ARSG: variants seen among roughly 807,000 people sequenced by gnomAD.
ARSG encodes the protein ASG.
ARSG carries 37 observed loss-of-function variants against 50.5 expected under a neutral mutation model. The ratio of observed to expected loss-of-function variants is 0.73; its 90% CI spans 0.56 to 0.96. The LOEUF (loss-of-function observed/expected upper bound fraction) is 0.96, where lower values mean the gene tolerates loss of function less well. Among genes scored for constraint, ARSG ranks in the 50% least tolerant of loss-of-function variants. ARSG has a pLI of 0.00. For synonymous variants in ARSG, 225 were observed against 254.6 expected (o/e 0.88, Z 1.11); for missense variants, 629 against 675.3 (o/e 0.93, Z 0.76).
chr17:68,271,073 G>T lies in ARSG; in HGVS notation c.-552+11647G>T. ...ACAGTCAATAAGATGACGCAGATGA[G>T]CTCAATGTAAATCTTACGAATGGGC... On this transcript the variant is annotated intron_variant, in intron 1 of 11. Coordinates refer to the ARSG transcript ENST00000448504. This position sits in a 1 kb window ranked among gnomAD's most constrained non-coding sequence, Gnocchi z 5.3. The T allele has an allele frequency of 6.2e-7, 1 of 1,614,190 alleles. No homozygotes were observed. Among genetic ancestry groups the T allele is most frequent in the South Asian group, 1.1e-5 (1 of 91,086 alleles).
intron 1 of ARSG, chr17:68,283,145 G>A (rs1316403172): frequency 6.6e-6 from 1 of 151,828 alleles, no homozygotes; most frequent in African/African-American, 2.4e-5. Context: ...TTTTTTTTAA[G>A]TTGGCTGGCG....
At chr17:68,325,434 TAGAA>T (rs1220278418) in intron 2 of ARSG, among the ~76,000 whole-genome samples, 3 of 152,120 alleles carry the variant, frequency 2.0e-5, no homozygotes, top group Admixed American at 6.5e-5. Context: ...ATAATAATAA[TAGAA>T]ATAAAGTGCA....
chr17:68,384,810 G>T (rs142917084), intron 8 of ARSG, among the ~76,000 whole-genome samples: 138 of 152,294 alleles, frequency 9.1e-4, no homozygotes, highest in Non-Finnish European at 1.6e-3. Context: ...AGTGGGGAAG[G>T]TCTCATGAAG....
rs774926136 is a variant in ARSG, at chr17:68,368,783, A to G, written c.901+39A>G. The G allele has an allele frequency of 4.4e-6, 7 of 1,601,168 alleles. No homozygotes were observed. The African/African-American group carries it at 8.1e-5, about 18-fold the overall frequency. On this transcript the variant is annotated intron_variant, in intron 7 of 11. Coordinates refer to ENST00000621439, the MANE Select transcript of ARSG (RefSeq NM_001267727.2). ...AGCCAGCCAGCCTAACTGCCATTTAATAGACAACCTTGCACATTACCTGTG... is the reference window on the plus strand; with the variant it reads ...AGCCAGCCAGCCTAACTGCCATTTAGTAGACAACCTTGCACATTACCTGTG...
chr17:68,383,755 A>AT (rs1270953587), intron 8 of ARSG, among the ~76,000 whole-genome samples: 1 of 152,210 alleles, frequency 6.6e-6, no homozygotes, highest in Non-Finnish European at 1.5e-5. Context: ...ATATGTATTT[A>AT]TGGGAGACGT....
chr17:68,318,222 C>T (rs1321741482), intron 2 of ARSG, among the ~76,000 whole-genome samples: 2 of 152,186 alleles, frequency 1.3e-5, no homozygotes, highest in Non-Finnish European at 2.9e-5. Flanking sequence ...CTGTTGGCAT[C>T]ATTTCCAGCT....
At chr17:68,442,337 C>T in the ARSG span, among the ~76,000 whole-genome samples, 1 of 151,826 alleles carries the variant, frequency 6.6e-6, no homozygotes, top group Non-Finnish European at 1.5e-5. Flanking sequence ...TGGTGGTAGG[C>T]ACCTGTAGTC....
chr17:68,315,814 G>T (rs966620037), intron 2 of ARSG, among the ~76,000 whole-genome samples: 10 of 152,160 alleles, frequency 6.6e-5, no homozygotes, highest in African/African-American at 2.4e-4. Flanking sequence ...TGTATTTTTA[G>T]TAGAGACAGC....
chr17:68,374,926 C>T (rs2080072813), intron 8 of ARSG, among the ~76,000 whole-genome samples: 1 of 151,986 alleles, frequency 6.6e-6, no homozygotes. Context: ...CACCATCTCT[C>T]CTTTCCTTCC....
At chr17:68,450,987 G>T in the ARSG span, 1 of 1,483,694 alleles carries the variant, frequency 6.7e-7, no homozygotes. Context: ...GCGCAGGCCA[G>T]GTTCCAAAGG....
chr17:68,323,374 A>C (rs1206202647), intron 2 of ARSG, among the ~76,000 whole-genome samples: 1 of 145,196 alleles, frequency 6.9e-6, no homozygotes, highest in Non-Finnish European at 1.5e-5. Flanking sequence ...AGCCATAGAC[A>C]TACTTAATGA....
chr17:68,331,540 G>T (rs2077770751), intron 2 of ARSG, among the ~76,000 whole-genome samples: 1 of 152,054 alleles, frequency 6.6e-6, no homozygotes, highest in African/African-American at 2.4e-5. Flanking sequence ...CACTGCGCCT[G>T]GTGCAAAGGC....
chr17:68,289,452 G>A (rs1468106218), upstream of ARSG, among the ~76,000 whole-genome samples: 5 of 152,228 alleles, frequency 3.3e-5, no homozygotes, highest in Non-Finnish European at 5.9e-5. Context: ...GGTCAGCTAA[G>A]AGCAAGTTTC....
Position 68,376,276 on chromosome 17 carries a change from C to CGTTTTTTTTTTT in ARSG, c.982+5752_982+5753insGTTTTTTTTTTT, listed in dbSNP as rs149045241. Among the ~76,000 whole-genome samples the CGTTTTTTTTTTT allele has an allele frequency of 6.8e-5, 9 of 131,944 alleles. 3 individuals are homozygous for CGTTTTTTTTTTT. Among genetic ancestry groups the CGTTTTTTTTTTT allele is most frequent in the Non-Finnish European group, 3.1e-5 (2 of 63,710 alleles). The allele number at this position is 131,944 out of a possible 152,430, so 86.6% of individuals were successfully genotyped here. A position where few individuals can be genotyped will look rare whatever the true frequency, so the allele number is the denominator to read the frequency against. On this transcript the variant is annotated intron_variant, in intron 8 of 11. Coordinates refer to ENST00000621439, the MANE Select transcript of ARSG (RefSeq NM_001267727.2). Reference sequence around the variant, plus strand: ...CAGGAGTGTGCCACTGCGCCCCCTGCATTTTTTTTTTTTTTTCTGAGATAG... The same window carrying CGTTTTTTTTTTT: ...CAGGAGTGTGCCACTGCGCCCCCTGCGTTTTTTTTTTTATTTTTTTTTTTTTTTCTGAGATAG...
chr17:68,284,049 C>A (rs1450322024), intron 1 of ARSG, among the ~76,000 whole-genome samples: 2 of 149,604 alleles, frequency 1.3e-5, no homozygotes, highest in East Asian at 3.9e-4. Flanking sequence ...CGAGGTCACA[C>A]CACTGCACTC....
chr17:68,421,923 G>C (rs2082807171), downstream of ARSG: 1 of 1,466,690 alleles, frequency 6.8e-7, no homozygotes, highest in Non-Finnish European at 9.5e-7. Flanking sequence ...GCAGGGAGAG[G>C]CTGGGCACTG....
At chr17:68,364,125 C>T (rs1431978370) in intron 6 of ARSG, among the ~76,000 whole-genome samples, 5 of 152,254 alleles carry the variant, frequency 3.3e-5, no homozygotes, top group South Asian at 2.1e-4. Flanking sequence ...CCAGCCTTAA[C>T]GGTCCCTGCA....
intron 2 of ARSG, among the ~76,000 whole-genome samples, chr17:68,334,795 C>T (rs1286378086): frequency 5.3e-5 from 8 of 152,142 alleles, no homozygotes; most frequent in East Asian, 3.9e-4. Flanking sequence ...TCTTATATGG[C>T]GGCTCACAGA....
chr17:68,262,468 C>T (rs1334237432), intron 1 of ARSG, among the ~76,000 whole-genome samples: 1 of 152,004 alleles, frequency 6.6e-6, no homozygotes, highest in Non-Finnish European at 1.5e-5. Context: ...GAGACTGCCC[C>T]CCCAACCCCC....
Sources: allele counts gnomAD v4.1 joint callset (sites outside exome capture counted in the v4.1 genomes callset), GRCh38; gene constraint gnomAD v4.1.1; non-coding constraint Gnocchi (gnomAD v3.1); transcripts MANE v1.5; gene names NCBI Gene and HGNC (gene_info 2026-07-23, HGNC 2026-07-21).